The following CES5A variants were observed in gnomAD, a reference collection of about 807,000 sequenced individuals.
The protein encoded by CES5A is carboxylesterase 5A, also known as carboxylesterase 5.
A neutral mutation model predicts 62.9 loss-of-function variants in CES5A; 67 were observed. The ratio of observed to expected loss-of-function variants is 1.07; its 90% CI spans 0.88 to 1.31. The LOEUF (loss-of-function observed/expected upper bound fraction) is 1.31. CES5A is among the 50% of genes most tolerant of loss of function. The pLI is 0.00. For missense variants in CES5A, 748 were observed against 708.5 expected (o/e 1.06, Z -0.63); for synonymous variants, 296 against 280.8 (o/e 1.05, Z -0.54).
intron 1 of CES5A, among the ~76,000 whole-genome samples, chr16:55,884,784 G>A (rs896328074): frequency 6.6e-6 from 1 of 152,074 alleles, no homozygotes; most frequent in Non-Finnish European, 1.5e-5. Context: ...TAGAGACAGT[G>A]CCTCCTTATG....
chr16:55,854,544 C>CTTTTCTTTTCTT (rs750867515), intron 9 of CES5A, among the ~76,000 whole-genome samples: 1 of 64,416 alleles, frequency 1.6e-5, no homozygotes, highest in African/African-American at 7.0e-5. Context: ...TTTTTTTTTT[C>CTTTTCTTTTCTT]TTTTTTTTTT....
In CES5A at chr16:55,931,311, G is replaced by T. The variant is rs146168913; in HGVS notation, c.160+18474C>A. Among the ~76,000 whole-genome samples the T allele has an allele frequency of 1.7e-3, 263 of 152,302 alleles. 2 individuals are homozygous for T. Among genetic ancestry groups the T allele is most frequent in the African/African-American group, 6.1e-3 (252 of 41,568 alleles). Reference sequence around the variant, plus strand: ...GGAGCCATGGAGAAGAGAAATCTATGCAGCCAATGAGGAACAGAGGCAAGA... The same window carrying T: ...GGAGCCATGGAGAAGAGAAATCTATTCAGCCAATGAGGAACAGAGGCAAGA... On this transcript the variant is annotated intron_variant, in intron 2 of 13. Transcript: ENST00000521992.
At chr16:55,952,864 T>C (rs1332088502) in intron 1 of CES5A, among the ~76,000 whole-genome samples, 2 of 152,154 alleles carry the variant, frequency 1.3e-5, no homozygotes, top group Non-Finnish European at 2.9e-5. Context: ...CCATGTGATA[T>C]ACTATGCAGG....
rs1457680656 is a variant in CES5A, at chr16:55,846,529, G to A, written c.1650C>T (p.Ser550=). The change falls in exon 13 of 13, where the codon TCC becomes TCT. Residue 550 remains serine (S), a synonymous_variant. Transcript: ENST00000290567. ...AAGAAAGAGGACTGTGGAGCATGTC[G>A]GAGGCAGACAGGATCAGGGGGATGG... ...TSTIPLILSA[S]DMLHSPLSSL... is the part of the protein sequence containing the mutation. 2 of 1,614,136 alleles carry A rather than the reference G, an allele frequency of 1.2e-6. No homozygotes were observed. Among genetic ancestry groups the A allele is most frequent in the African/African-American group, 1.3e-5 (1 of 75,028 alleles).
At chr16:55,927,044 G>A (rs2034264349), upstream of CES5A, among the ~76,000 whole-genome samples, 1 of 152,112 alleles carries the variant, frequency 6.6e-6, no homozygotes, top group Non-Finnish European at 1.5e-5. Flanking sequence ...GCCACATGTA[G>A]AAGAATGAAA....
intron 1 of CES5A, among the ~76,000 whole-genome samples, chr16:55,917,201 A>G (rs2034155625): frequency 6.6e-6 from 1 of 152,116 alleles, no homozygotes; most frequent in Non-Finnish European, 1.5e-5. Context: ...CTAAACACTT[A>G]CTCCACCTTT....
At position 55,871,703 on chromosome 16, in the gene CES5A, C is replaced by G. The variant is rs80178015; in HGVS notation, c.339G>C (p.Pro113=). 1.7e-3 allele frequency: 2,700 copies of G among 1,614,064 alleles called. 10 individuals carry two copies. Among genetic ancestry groups the G allele is most frequent in the African/African-American group, 0.012 (925 of 75,006 alleles). The change falls in exon 3 of 13, where the codon CCG becomes CCC. Residue 113 remains proline (P), a synonymous_variant. Coordinates refer to ENST00000290567, the MANE Select transcript of CES5A (RefSeq NM_001143685.2). ...GGCAGTCTTCTGACACTCCGAATTT[C>G]GGGTAATGCACCTTGAGCATATGTT... ...LDQHMLKVHY[P]KFGVSEDCLY...
In CES5A at chr16:55,852,568, TG is replaced by T; in HGVS notation, c.1273+312del. ...GTTCCATTACTACGTATGGCTAAGA[TG>T]TTGGGGAAGACATTTCTAGAAAGAA... is the stretch of plus-strand genomic sequence containing the variant. On this transcript the variant is annotated intron_variant, in intron 10 of 12. Transcript: ENST00000290567. Among the ~76,000 whole-genome samples, 3 of 152,320 alleles carry T rather than the reference TG, an allele frequency of 2.0e-5. 1 individual carries two copies. The highest frequency in any genetic ancestry group is 2.0e-4 in the Admixed American group (3 of 15,302).
chr16:55,881,517 A>T (rs2033761639), intron 1 of CES5A, among the ~76,000 whole-genome samples: 1 of 152,230 alleles, frequency 6.6e-6, no homozygotes, highest in African/African-American at 2.4e-5. Context: ...CCTCGGGCAG[A>T]TGCTAATATG....
intron 9 of CES5A, among the ~76,000 whole-genome samples, chr16:55,853,966 T>G (rs1259965297): frequency 6.6e-6 from 1 of 152,162 alleles, no homozygotes; most frequent in African/African-American, 2.4e-5. Context: ...ACTCGTTTAT[T>G]GGGTCCTCAG....
Position 55,950,156 on chromosome 16 carries a change from C to A in CES5A, c.43-254G>T, listed in dbSNP as rs545269181. On this transcript the variant is annotated intron_variant, in intron 1 of 13. Coordinates refer to the CES5A transcript ENST00000521992. ...AATAGCACAAAGGAGAGACCTGCTA[C>A]AAGAAATGGAGGAGCACCAATGTCC... is the stretch of plus-strand genomic sequence containing the variant. 4.6e-5 allele frequency among the ~76,000 whole-genome samples: 7 copies of A among 152,192 alleles called. No individual in the cohort carries two copies. The East Asian group carries it at 1.4e-3, about 29-fold the overall frequency.
At chr16:55,895,787 G>A (rs1486731735) in intron 1 of CES5A, among the ~76,000 whole-genome samples, 1 of 152,192 alleles carries the variant, frequency 6.6e-6, no homozygotes, top group Non-Finnish European at 1.5e-5. Flanking sequence ...TGGTTTGGAT[G>A]TAGTTTGCTT....
intron 11 of CES5A, among the ~76,000 whole-genome samples, 200 bp downstream of exon 11, chr16:55,849,424 C>T (rs912488722): frequency 6.6e-6 from 1 of 152,066 alleles, no homozygotes; most frequent in Non-Finnish European, 1.5e-5. Context: ...AAAGAGAAGC[C>T]CTCATCAAGC....
chr16:55,883,023 G>T (rs2033777664), intron 1 of CES5A, among the ~76,000 whole-genome samples: 1 of 152,188 alleles, frequency 6.6e-6, no homozygotes, highest in Non-Finnish European at 1.5e-5. Flanking sequence ...GTTCTAGTTG[G>T]AATGGATAAG....
intron 2 of CES5A, among the ~76,000 whole-genome samples, chr16:55,934,003 C>T (rs1175251356): frequency 6.6e-6 from 1 of 152,052 alleles, no homozygotes. Flanking sequence ...GTTCTTGTCT[C>T]AGGGCCCTTG....
chr16:55,873,328 A>G (rs1347806638), intron 2 of CES5A, among the ~76,000 whole-genome samples: 1 of 152,082 alleles, frequency 6.6e-6, no homozygotes, highest in East Asian at 1.9e-4. Context: ...GGAGTTCACC[A>G]TGGACTAGGT....
intron 1 of CES5A, among the ~76,000 whole-genome samples, chr16:55,888,561 C>T (rs2142430713): frequency 6.6e-6 from 1 of 152,302 alleles, no homozygotes; most frequent in East Asian, 1.9e-4. Context: ...GTCTCATGTT[C>T]CCTTATTCCC....
chr16:55,891,697 C>A (rs550736607), intron 1 of CES5A, among the ~76,000 whole-genome samples: 2 of 152,240 alleles, frequency 1.3e-5, no homozygotes, highest in South Asian at 4.2e-4. Flanking sequence ...GAATGGGAGG[C>A]AGGTTTGCCT....
chr16:55,861,337 A>G (rs3859104), intron 7 of CES5A, 75 bp downstream of exon 7: 186,875 of 764,654 alleles, frequency 0.24, 25,030 homozygotes, highest in South Asian at 0.38. Context: ...CAAATAAATA[A>G]CAGAGGGGTA....
Sources: allele counts gnomAD v4.1 joint callset (sites outside exome capture counted in the v4.1 genomes callset), GRCh38; gene constraint gnomAD v4.1.1; transcripts MANE v1.5; gene names NCBI Gene and HGNC (gene_info 2026-07-23, HGNC 2026-07-21).